SLC2A1: variants seen among roughly 807,000 people sequenced by gnomAD.
The protein encoded by SLC2A1 is solute carrier family 2, facilitated glucose transporter member 1.
A neutral mutation model predicts 46.6 loss-of-function variants in SLC2A1; 4 were observed. That is an observed-to-expected ratio of 0.09 (90% CI 0.04 to 0.20). The LOEUF is 0.20. Among genes scored for constraint, SLC2A1 ranks in the 10% least tolerant of loss-of-function variants. SLC2A1 has a pLI of 1.00. For missense variants in SLC2A1, 352 were observed against 667.0 expected, an observed-to-expected ratio of 0.53 and a Z score of 5.20; for synonymous variants, 253 against 270.0, an observed-to-expected ratio of 0.94 and a Z score of 0.62.
chr1:42,936,631 C>T (rs576095476), intron 2 of SLC2A1, among the ~76,000 whole-genome samples: 157 of 152,252 alleles, frequency 1.0e-3, no homozygotes, highest in African/African-American at 3.6e-3. Flanking sequence ...CCTGACATGG[C>T]TAGCCTCCAA....
At chr1:42,943,164 G>A in intron 2 of SLC2A1, 62 bp downstream of exon 2, 3 of 1,058,516 alleles carry the variant, frequency 2.8e-6, no homozygotes, top group Non-Finnish European at 4.4e-6. Flanking sequence ...GAGACTGTGG[G>A]CATGTGTGAT....
In SLC2A1 at chr1:42,927,079, C is replaced by A; in HGVS notation, c.1441G>T (p.Glu481Ter). The part of the protein sequence containing the change: ...GASQSDKTPE[E>*]LFHPLGADSQ... ...TCAGCCCCCAGGGGATGGAACAGCTCCTCGGGTGTCTTGTCACTTTGGCTG... is the reference window on the plus strand; with the variant it reads ...TCAGCCCCCAGGGGATGGAACAGCTACTCGGGTGTCTTGTCACTTTGGCTG... The change falls in exon 10 of 10, where the codon GAG becomes TAG. Residue 481 changes from glutamate to a stop codon, truncating the protein, a stop_gained. Coordinates refer to ENST00000426263, the MANE Select transcript of SLC2A1 (RefSeq NM_006516.4). LOFTEE classifies it high-confidence loss of function. The surrounding 1 kb of genome is among the most constrained non-coding windows in gnomAD (Gnocchi z 5.3). 1 of 1,614,158 alleles carries A rather than the reference C, an allele frequency of 6.2e-7. No homozygotes were observed. Among genetic ancestry groups the A allele is most frequent in the Non-Finnish European group, 8.5e-7 (1 of 1,180,016 alleles).
chr1:42,935,014 T>C (rs999752377), intron 2 of SLC2A1, among the ~76,000 whole-genome samples: 13 of 152,086 alleles, frequency 8.5e-5, no homozygotes, highest in African/African-American at 3.1e-4. Context: ...GGCTCGGCCA[T>C]CCACCCGCTT....
At chr1:42,934,752 C>T (rs1009413787) in intron 2 of SLC2A1, among the ~76,000 whole-genome samples, 5 of 152,130 alleles carry the variant, frequency 3.3e-5, no homozygotes, top group East Asian at 1.9e-4. Context: ...CTGTTCTGAA[C>T]GCTCCCACCT....
chr1:42,927,026 G>T lies in SLC2A1; in HGVS notation c.*15C>A. The T allele has an allele frequency of 6.2e-7, 1 of 1,612,358 alleles. No homozygotes were observed. The highest frequency in any genetic ancestry group is 1.1e-5 in the South Asian group (1 of 91,062). ...GGGCTGCTGGGAGCAGGCCGGGCTG[G>T]TGATCTGGGGCGACTCACACTTGGG... is the stretch of plus-strand genomic sequence containing the variant. On this transcript the variant is annotated 3_prime_UTR_variant, in exon 10 of 10. Transcript: ENST00000426263. The surrounding 1 kb of genome is among the most constrained non-coding windows in gnomAD (Gnocchi z 5.3).
Position 42,943,179 on chromosome 1 carries a change from A to C in SLC2A1, c.114+47T>G. On this transcript the variant is annotated intron_variant, in intron 2 of 9. Transcript: ENST00000426263. ...GAGACTGTGGGCATGTGTGATGTGCAACAGAGCAGGCTGGTGTCCATAAGC... is the reference window on the plus strand; with the variant it reads ...GAGACTGTGGGCATGTGTGATGTGCCACAGAGCAGGCTGGTGTCCATAAGC... 2.4e-6 allele frequency: 3 copies of C among 1,268,968 alleles called. No individual in the cohort carries two copies. In the South Asian group the frequency reaches 3.7e-5, roughly 15 times the overall value. The allele number at this position is 1,268,968 out of a possible 1,614,324, so 78.6% of individuals were successfully genotyped here. A position where few individuals can be genotyped will look rare whatever the true frequency, so the allele number is the denominator to read the frequency against.
At chr1:42,931,669 T>TA (rs944228696) in intron 2 of SLC2A1, among the ~76,000 whole-genome samples, 13 of 147,122 alleles carry the variant, frequency 8.8e-5, no homozygotes, top group Middle Eastern at 3.5e-3. Flanking sequence ...CTACTAAAAA[T>TA]AAAAAAAAAA....
At chr1:42,947,581 C>CAAAAAAAAAA (rs144784155) in intron 1 of SLC2A1, among the ~76,000 whole-genome samples, 2 of 55,832 alleles carry the variant, frequency 3.6e-5, no homozygotes. Flanking sequence ...CACACACACA[C>CAAAAAAAAAA]AAAAAAAAAA....
intron 1 of SLC2A1, among the ~76,000 whole-genome samples, chr1:42,952,837 G>A (rs1643736162): frequency 6.6e-6 from 1 of 152,222 alleles, no homozygotes; most frequent in Non-Finnish European, 1.5e-5. Flanking sequence ...CTCCAGCAGA[G>A]GTGCTTATGG....
At position 42,958,669 on chromosome 1, in the gene SLC2A1, G is replaced by A. The variant is rs1310592343; in HGVS notation, c.-18C>T. 22 of 1,535,132 alleles carry A rather than the reference G, an allele frequency of 1.4e-5. No homozygotes were observed. The highest frequency in any genetic ancestry group is 1.8e-5 in the Non-Finnish European group (21 of 1,144,764). On this transcript the variant is annotated 5_prime_UTR_variant, in exon 1 of 10. Transcript: ENST00000426263. ...GGCTCCATGGCAGCGCTGCGCTGGT[G>A]GCTCTGGCTGCGCCGGGTACGCGGG...
intron 1 of SLC2A1, among the ~76,000 whole-genome samples, chr1:42,958,165 G>T (rs1323281329): frequency 1.3e-5 from 2 of 152,038 alleles, no homozygotes; most frequent in Admixed American, 1.3e-4. Context: ...GAGCGGGGGC[G>T]GCTCCTGACT....
intron 1 of SLC2A1, among the ~76,000 whole-genome samples, chr1:42,945,051 A>G (rs1643637022): frequency 6.6e-6 from 1 of 152,180 alleles, no homozygotes; most frequent in Non-Finnish European, 1.5e-5. Flanking sequence ...TAGGGTGGAC[A>G]CTAATTCAGA....
intron 1 of SLC2A1, among the ~76,000 whole-genome samples, chr1:42,949,568 C>A (rs963254511): frequency 6.6e-6 from 1 of 152,170 alleles, no homozygotes; most frequent in African/African-American, 2.4e-5. Context: ...CCAATGATAT[C>A]AAGACCCTTG....
chr1:42,944,296 C>T (rs1325048115), intron 1 of SLC2A1, among the ~76,000 whole-genome samples: 1 of 152,174 alleles, frequency 6.6e-6, no homozygotes, highest in Non-Finnish European at 1.5e-5. Flanking sequence ...GACTGAGAGG[C>T]CAGCAGGGTG....
rs1376584742 is a variant in SLC2A1 at position 42,958,795 on chromosome 1, T to C, written c.-144A>G. ...CTCCGACCCCCGTCGTTTGGTCTCCTGCTCCCTGGCGTGCTCACTCGGGGA... is the reference window on the plus strand; with the variant it reads ...CTCCGACCCCCGTCGTTTGGTCTCCCGCTCCCTGGCGTGCTCACTCGGGGA... On this transcript the variant is annotated 5_prime_UTR_variant, in exon 1 of 10. Coordinates refer to ENST00000426263, the MANE Select transcript of SLC2A1 (RefSeq NM_006516.4). 2.4e-6 allele frequency: 2 copies of C among 824,120 alleles called. No homozygotes were observed. Among genetic ancestry groups the C allele is most frequent in the Non-Finnish European group, 3.8e-6 (2 of 527,682 alleles). 51.1% of individuals were successfully genotyped at this position (824,120 alleles called of 1,614,324 possible). A position where few individuals can be genotyped will look rare whatever the true frequency, so the allele number is the denominator to read the frequency against.
intron 2 of SLC2A1, among the ~76,000 whole-genome samples, chr1:42,932,908 G>A (rs917481939): frequency 6.6e-5 from 10 of 152,202 alleles, no homozygotes; most frequent in African/African-American, 2.4e-4. Context: ...AGTTGGTAGG[G>A]CAGAGGCAAG....
At chr1:42,956,566 C>CA (rs965337604) in intron 1 of SLC2A1, among the ~76,000 whole-genome samples, 4 of 151,832 alleles carry the variant, frequency 2.6e-5, no homozygotes, top group Admixed American at 1.3e-4. Context: ...GCCTGGGCAA[C>CA]AAAAGCGAAA....
chr1:42,941,799 A>G (rs1449971370), intron 2 of SLC2A1, among the ~76,000 whole-genome samples: 2 of 152,212 alleles, frequency 1.3e-5, no homozygotes, highest in African/African-American at 2.4e-5. Flanking sequence ...TCTGAAGCAC[A>G]CACTTTGGCA....
Position 42,930,167 on chromosome 1 carries a change from T to C in SLC2A1, c.517-132A>G. On this transcript the variant is annotated intron_variant, in intron 4 of 9. Coordinates refer to ENST00000426263, the MANE Select transcript of SLC2A1 (RefSeq NM_006516.4). This position sits in a 1 kb window ranked among gnomAD's most constrained non-coding sequence, Gnocchi z 6.2. Reference sequence around the variant, plus strand: ...GCCCCAGTTCTAGAGGCTCTGCCACTAGCATGAGCCCTGTTTCTCAGTTTC... The same window carrying C: ...GCCCCAGTTCTAGAGGCTCTGCCACCAGCATGAGCCCTGTTTCTCAGTTTC... 1 of 967,156 alleles carries C rather than the reference T, an allele frequency of 1.0e-6. No homozygotes were observed. Among genetic ancestry groups the C allele is most frequent in the Non-Finnish European group, 1.6e-6 (1 of 621,018 alleles). 59.9% of individuals were successfully genotyped at this position (967,156 alleles called of 1,614,324 possible).
Sources: allele counts gnomAD v4.1 joint callset (sites outside exome capture counted in the v4.1 genomes callset), GRCh38; gene constraint gnomAD v4.1.1; non-coding constraint Gnocchi (gnomAD v3.1); transcripts MANE v1.5; gene names NCBI Gene and HGNC (gene_info 2026-07-23, HGNC 2026-07-21).